The following RAPGEF5 variants were observed in gnomAD, a reference collection of about 807,000 sequenced individuals.
The protein encoded by RAPGEF5 is M-Ras-regulated GEF.
A neutral mutation model predicts 125.2 loss-of-function variants in RAPGEF5; 65 were observed. The ratio of observed to expected loss-of-function variants is 0.52; its 90% CI spans 0.43 to 0.64. The LOEUF is 0.64. Among genes scored for constraint, RAPGEF5 ranks in the 30% least tolerant of loss-of-function variants. The pLI is 0.00. For missense variants in RAPGEF5, 958 were observed against 1,048.1 expected, an observed-to-expected ratio of 0.91 and a Z score of 1.19; for synonymous variants, 391 against 385.9, an observed-to-expected ratio of 1.01 and a Z score of -0.16.
In RAPGEF5 at chr7:22,339,324, T is replaced by C. The variant is rs879862777; in HGVS notation, c.231+17506A>G. Reference sequence around the variant, plus strand: ...TGCCTCTCAGTTGAATTCTTTCTTCTGAGGAGGCAAGAAGTGAGGTTGCTG... The same window carrying C: ...TGCCTCTCAGTTGAATTCTTTCTTCCGAGGAGGCAAGAAGTGAGGTTGCTG... On this transcript the variant is annotated intron_variant, in intron 1 of 25. Coordinates refer to ENST00000665637, the MANE Select transcript of RAPGEF5 (RefSeq NM_012294.5). Among the ~76,000 whole-genome samples the C allele has an allele frequency of 5.3e-5, 8 of 152,230 alleles. No individual in the cohort carries two copies. In the East Asian group the frequency reaches 7.7e-4, roughly 15 times the overall value.
chr7:22,138,890 T>C (rs1052800218), intron 21 of RAPGEF5, among the ~76,000 whole-genome samples: 1 of 152,248 alleles, frequency 6.6e-6, no homozygotes, highest in African/African-American at 2.4e-5. Context: ...TTTGTTTTCC[T>C]CCTACTCTAA....
At chr7:22,282,406 T>C (rs1400518806) in intron 6 of RAPGEF5, among the ~76,000 whole-genome samples, 3 of 152,230 alleles carry the variant, frequency 2.0e-5, no homozygotes, top group Non-Finnish European at 4.4e-5. Context: ...TTTAATATAA[T>C]TCCATGGGCA....
intron 7 of RAPGEF5, among the ~76,000 whole-genome samples, chr7:22,238,920 T>TA (rs1282421301): frequency 9.9e-5 from 15 of 152,276 alleles, no homozygotes; most frequent in African/African-American, 3.6e-4. Flanking sequence ...TCTGTACCAA[T>TA]ATGTTTTAAA....
chr7:22,177,271 C>T (rs944083720), intron 11 of RAPGEF5, among the ~76,000 whole-genome samples: 1 of 152,184 alleles, frequency 6.6e-6, no homozygotes, highest in African/African-American at 2.4e-5. Flanking sequence ...AATGTCTGGG[C>T]AGTCCTCCAC....
chr7:22,312,513 T>C (rs562497700), intron 3 of RAPGEF5, among the ~76,000 whole-genome samples: 29 of 152,202 alleles, frequency 1.9e-4, no homozygotes, highest in African/African-American at 6.0e-4. Context: ...CTGGCCAGAT[T>C]CCACATTCCT....
chr7:22,280,253 T>C (rs1782645788), intron 6 of RAPGEF5, among the ~76,000 whole-genome samples: 1 of 152,182 alleles, frequency 6.6e-6, no homozygotes, highest in Admixed American at 6.5e-5. Flanking sequence ...ATTGTAACTG[T>C]AGCAGTCAAG....
intron 7 of RAPGEF5, among the ~76,000 whole-genome samples, chr7:22,243,758 T>C (rs1786401002): frequency 6.6e-6 from 1 of 152,234 alleles, no homozygotes. Flanking sequence ...TCACCTTCCA[T>C]ACTTATCATT....
chr7:22,330,857 C>G (rs538156578), intron 1 of RAPGEF5, among the ~76,000 whole-genome samples: 2 of 152,292 alleles, frequency 1.3e-5, no homozygotes, highest in South Asian at 4.2e-4. Context: ...TTAGTAAAAT[C>G]CAAACTCCCT....
chr7:22,166,074 ATATG>A (rs969789105), intron 12 of RAPGEF5, among the ~76,000 whole-genome samples: 1 of 144,782 alleles, frequency 6.9e-6, no homozygotes, highest in African/African-American at 2.6e-5. Context: ...ATATACATAT[ATATG>A]TATCATATAT....
At chr7:22,211,066 C>T (rs141594490) in intron 9 of RAPGEF5, among the ~76,000 whole-genome samples, 32 of 152,242 alleles carry the variant, frequency 2.1e-4, no homozygotes, top group African/African-American at 7.2e-4. Context: ...GTACACTTGC[C>T]CACAGTCTGT....
intron 1 of RAPGEF5, among the ~76,000 whole-genome samples, chr7:22,318,553 A>G (rs975454437): frequency 2.0e-5 from 3 of 152,260 alleles, no homozygotes; most frequent in Non-Finnish European, 2.9e-5. Flanking sequence ...ATGCCCCCTC[A>G]GCTCACCACA....
At chr7:22,259,469 A>G (rs1333602312) in intron 7 of RAPGEF5, among the ~76,000 whole-genome samples, 1 of 152,146 alleles carries the variant, frequency 6.6e-6, no homozygotes, top group African/African-American at 2.4e-5. Context: ...AATTTAACAT[A>G]CTCTTAACAC....
Position 22,190,619 on chromosome 7 carries a change from G to A in RAPGEF5, c.1204+2748C>T, listed in dbSNP as rs543182068. Among the ~76,000 whole-genome samples, 14 of 152,224 alleles carry A rather than the reference G, an allele frequency of 9.2e-5. No homozygotes were observed. In the East Asian group the frequency reaches 1.9e-3, roughly 21 times the overall value. The stretch of plus-strand genomic sequence containing the variant: ...CCCGGCTATATTCAATGGAGTAAAC[G>A]TTATCTATTTGTATGTTAACATCAA... On this transcript the variant is annotated intron_variant, in intron 11 of 25. Coordinates refer to ENST00000665637, the MANE Select transcript of RAPGEF5 (RefSeq NM_012294.5).
chr7:22,285,870 A>G (rs1209830054), intron 6 of RAPGEF5, among the ~76,000 whole-genome samples: 1 of 152,250 alleles, frequency 6.6e-6, no homozygotes, highest in African/African-American at 2.4e-5. Context: ...AGATCCCACA[A>G]GAAAGTTGGA....
intron 6 of RAPGEF5, among the ~76,000 whole-genome samples, chr7:22,280,231 C>G (rs1218308703): frequency 1.3e-5 from 2 of 152,166 alleles, no homozygotes; most frequent in African/African-American, 4.8e-5. Flanking sequence ...CACATGAGAA[C>G]CCTGAGGCCG....
At chr7:22,132,046 C>G (rs1341299570) in intron 23 of RAPGEF5, among the ~76,000 whole-genome samples, 1 of 151,990 alleles carries the variant, frequency 6.6e-6, no homozygotes, top group Non-Finnish European at 1.5e-5. Flanking sequence ...TATGGAGAAC[C>G]AACCAAATAA....
At chr7:22,273,242 A>G (rs4722121) in intron 6 of RAPGEF5, among the ~76,000 whole-genome samples, 52,098 of 132,192 alleles carry the variant, frequency 0.39, 10,404 homozygotes, top group African/African-American at 0.51. Context: ...TTTTTGAGAC[A>G]GAGTCTGGCT....
At chr7:22,262,828 C>G (rs2528911) in intron 7 of RAPGEF5, among the ~76,000 whole-genome samples, 56,106 of 152,040 alleles carry the variant, frequency 0.37, 11,077 homozygotes, top group East Asian at 0.72. Flanking sequence ...GCTAGGTGTA[C>G]TGGTGTGCAT....
intron 5 of RAPGEF5, among the ~76,000 whole-genome samples, chr7:22,295,766 A>G (rs1206197486): frequency 1.4e-5 from 2 of 144,784 alleles, no homozygotes; most frequent in African/African-American, 5.0e-5. Flanking sequence ...GAAAAATACT[A>G]AAAAAAAAAA....
Sources: gnomAD v4.1 joint callset for allele counts (sites outside exome capture counted in the v4.1 genomes callset) on GRCh38, gnomAD v4.1.1 for gene constraint, MANE v1.5 for transcripts, NCBI Gene and HGNC (gene_info 2026-07-23, HGNC 2026-07-21) for gene names.